MPRIP: variants seen among roughly 807,000 people sequenced by gnomAD.
MPRIP encodes myosin phosphatase Rho interacting protein.
In MPRIP, 59 loss-of-function variants were observed where a neutral mutation model predicts 234.9. The observed-to-expected ratio is 0.25, with a 90% CI of 0.20 to 0.31. The LOEUF (loss-of-function observed/expected upper bound fraction) is 0.31. Among genes scored for constraint, MPRIP ranks in the 10% least tolerant of loss-of-function variants. The pLI is 1.00. For missense variants in MPRIP, 2,436 were observed against 3,071.0 expected, an observed-to-expected ratio of 0.79 and a Z score of 4.89; for synonymous variants, 1,144 against 1,263.9, an observed-to-expected ratio of 0.91 and a Z score of 2.01.
intron 21 of MPRIP, 101 bp from the exon 22 acceptor site, chr17:17,177,149 C>T: frequency 8.3e-7 from 1 of 1,209,276 alleles, no homozygotes; most frequent in Non-Finnish European, 1.2e-6. Context: ...CCGCCCACAG[C>T]AAGCCTCCCT....
chr17:17,090,133 A>G (rs544308992), intron 3 of MPRIP, among the ~76,000 whole-genome samples: 4 of 152,304 alleles, frequency 2.6e-5, no homozygotes, highest in African/African-American at 4.8e-5. Flanking sequence ...GCAGACAGGC[A>G]TGGTGTTGCA....
intron 1 of MPRIP, among the ~76,000 whole-genome samples, chr17:17,064,201 G>GTTTTTTTTTTTTT (rs752475475): frequency 1.4e-5 from 2 of 144,128 alleles, no homozygotes; most frequent in African/African-American, 5.3e-5. Flanking sequence ...GGTTTTTTTT[G>GTTTTTTTTTTTTT]TTTTGTTTTT....
At chr17:17,118,201 G>A (rs565061736) in intron 3 of MPRIP, among the ~76,000 whole-genome samples, 5 of 152,320 alleles carry the variant, frequency 3.3e-5, no homozygotes, top group African/African-American at 1.2e-4. Flanking sequence ...GTGGTCTCCC[G>A]GCCCTTCTTT....
At chr17:17,117,237 G>A (rs560020663) in intron 3 of MPRIP, among the ~76,000 whole-genome samples, 54 of 152,352 alleles carry the variant, frequency 3.5e-4, no homozygotes, top group African/African-American at 1.3e-3. Context: ...CAGGCGGCAC[G>A]GGTGTGCCAT....
chr17:17,094,958 C>G (rs866314090), intron 3 of MPRIP, among the ~76,000 whole-genome samples: 2 of 152,138 alleles, frequency 1.3e-5, no homozygotes, highest in Middle Eastern at 3.4e-3. Flanking sequence ...TTCTGAAACT[C>G]CTGTTATTTG....
rs1257941670 is a variant in MPRIP, at chr17:17,090,145, A to G, written c.267+12069A>G. ...GGTGCAGACAGGCATGGTGTTGCAG[A>G]CCAAGACCTTGGGGCACGAAGGTGA... On this transcript the variant is annotated intron_variant, in intron 3 of 23. Coordinates refer to ENST00000651222, the MANE Select transcript of MPRIP (RefSeq NM_001364716.4). Among the ~76,000 whole-genome samples, 6 of 152,178 alleles carry G rather than the reference A, an allele frequency of 3.9e-5. No individual in the cohort carries two copies. In the South Asian group the frequency reaches 1.0e-3, roughly 26 times the overall value.
chr17:17,064,046 G>A (rs920728545), intron 1 of MPRIP, among the ~76,000 whole-genome samples: 1 of 152,176 alleles, frequency 6.6e-6, no homozygotes, highest in African/African-American at 2.4e-5. Flanking sequence ...TGGCCTCCAG[G>A]GAAGTAGTTG....
intron 1 of MPRIP, among the ~76,000 whole-genome samples, chr17:17,062,715 G>A (rs563787223): frequency 2.6e-5 from 4 of 152,348 alleles, no homozygotes; most frequent in African/African-American, 9.6e-5. Context: ...GTAATTAATG[G>A]CCAGGTAGCG....
intron 1 of MPRIP, among the ~76,000 whole-genome samples, chr17:17,046,527 T>A (rs147859566): frequency 9.6e-4 from 146 of 152,372 alleles, no homozygotes; most frequent in African/African-American, 3.4e-3. Context: ...CAGGACTGGA[T>A]ATTATCAAAT....
chr17:17,046,811 C>T (rs1412416459), intron 1 of MPRIP, among the ~76,000 whole-genome samples: 6 of 152,170 alleles, frequency 3.9e-5, no homozygotes, highest in Non-Finnish European at 7.3e-5. Flanking sequence ...CAGACTTTGC[C>T]GTCTCATCAC....
rs1017079893 is a variant in MPRIP at position 17,162,293 on chromosome 17, GC to G, written c.2517+940del. ...GACTTAGACCCAGTGATCCCTGAGG[GC>G]CCTTCCGGCTCTTAGACCCCGAGTC... On this transcript the variant is annotated intron_variant, in intron 15 of 23. Transcript: ENST00000651222. Among the ~76,000 whole-genome samples the G allele has an allele frequency of 5.9e-5, 9 of 152,266 alleles. No individual in the cohort carries two copies. In the East Asian group the frequency reaches 7.7e-4, roughly 13 times the overall value.
chr17:17,174,626 G>GACACA (rs1294836196), intron 19 of MPRIP, among the ~76,000 whole-genome samples: 2 of 152,276 alleles, frequency 1.3e-5, no homozygotes, highest in East Asian at 3.9e-4. Context: ...CACAAGGTCA[G>GACACA]GGATTGAGAC....
At chr17:17,065,381 ATTTT>A (rs59705934) in intron 1 of MPRIP, among the ~76,000 whole-genome samples, 3 of 111,768 alleles carry the variant, frequency 2.7e-5, no homozygotes, top group Admixed American at 8.8e-5. Context: ...GCTTGAGATG[ATTTT>A]TTTTTTTTTT....
In MPRIP at chr17:17,166,928, G is replaced by A. The variant is rs1276904770; in HGVS notation, c.5337G>A (p.Gln1779=). ...DQSPGAFVAI[Q]EELAQQLKEK... Reference sequence around the variant, plus strand: ...GCCCTGGGGCCTTTGTTGCTATTCAGGAGGAGCTTGCCCAGCAGCTGAAGG... The same window carrying A: ...GCCCTGGGGCCTTTGTTGCTATTCAAGAGGAGCTTGCCCAGCAGCTGAAGG... Residue 1779 remains glutamine (Q), a synonymous_variant, in exon 16 of 24, where the codon CAG becomes CAA. Coordinates refer to ENST00000651222, the MANE Select transcript of MPRIP (RefSeq NM_001364716.4). This position sits in a 1 kb window ranked among gnomAD's most constrained non-coding sequence, Gnocchi z 4.4. 3.8e-6 allele frequency: 5 copies of A among 1,304,074 alleles called. No individual in the cohort carries two copies. Among genetic ancestry groups the A allele is most frequent in the Admixed American group, 2.3e-5 (1 of 43,540 alleles). The allele number at this position is 1,304,074 out of a possible 1,614,324, so 80.8% of individuals were successfully genotyped here.
At chr17:17,126,958 G>A (rs911931909) in intron 4 of MPRIP, 105 bp downstream of exon 4, 8 of 1,368,382 alleles carry the variant, frequency 5.8e-6, no homozygotes, top group African/African-American at 4.3e-5. Context: ...CTACTTCCCC[G>A]TGTGCCTCTA....
intron 1 of MPRIP, among the ~76,000 whole-genome samples, chr17:17,064,039 C>T (rs886328930): frequency 1.3e-5 from 2 of 152,144 alleles, no homozygotes; most frequent in Non-Finnish European, 2.9e-5. Flanking sequence ...ATGTGGGTGG[C>T]CTCCAGGGAA....
Position 17,176,448 on chromosome 17 carries a change from C to T in MPRIP, c.6893C>T (p.Ser2298Leu), listed in dbSNP as rs1447300906. The T allele has an allele frequency of 3.1e-6, 5 of 1,613,838 alleles. No homozygotes were observed. The highest frequency in any genetic ancestry group is 3.4e-6 in the Non-Finnish European group (4 of 1,179,898). The change falls in exon 21 of 24, where the codon TCG (serine) becomes TTG (leucine). Residue 2298 changes from serine (S) to leucine (L), a missense_variant. Transcript: ENST00000651222. ...ELEVLLRVKE[S>L]EIQYLKQEIS... ...TAGGTCTTATTGCGGGTAAAGGAAT[C>T]GGAAATACAGTACCTGAAACAGGAG...
intron 3 of MPRIP, among the ~76,000 whole-genome samples, chr17:17,118,438 C>T (rs1157176759): frequency 6.6e-6 from 1 of 152,178 alleles, no homozygotes; most frequent in East Asian, 1.9e-4. Flanking sequence ...ATCATGGCTC[C>T]CTTCCCAAGG....
chr17:17,166,201 G>A lies in MPRIP; in HGVS notation c.4610G>A (p.Gly1537Asp), dbSNP rs1377299025. ...GGGGCCCGTGCACAGCTGGAGACAG[G>A]TGGCACCGAGGAGAATGGGAAGCCT... is the stretch of plus-strand genomic sequence containing the variant. ...HGGARAQLET[G>D]GTEENGKPAS... The change falls in exon 16 of 24, where the codon GGT (glycine) becomes GAT (aspartate). Residue 1537 changes from glycine to aspartate, a missense_variant. Gly to Asp is a moderately conservative substitution (Grantham distance 94, BLOSUM62 -1). Coordinates refer to ENST00000651222, the MANE Select transcript of MPRIP (RefSeq NM_001364716.4). The surrounding 1 kb of genome is among the most constrained non-coding windows in gnomAD (Gnocchi z 4.4). The A allele has an allele frequency of 1.5e-6, 2 of 1,303,216 alleles. No individual in the cohort carries two copies. Among genetic ancestry groups the A allele is most frequent in the Admixed American group, 2.3e-5 (1 of 43,502 alleles). 80.7% of individuals were successfully genotyped at this position (1,303,216 alleles called of 1,614,324 possible).
Sources: gnomAD v4.1 joint callset for allele counts (sites outside exome capture counted in the v4.1 genomes callset) on GRCh38, gnomAD v4.1.1 for gene constraint, Gnocchi (gnomAD v3.1) non-coding constraint, MANE v1.5 for transcripts, NCBI Gene and HGNC (gene_info 2026-07-23, HGNC 2026-07-21) for gene names.